The following CTNNA2 variants were observed in gnomAD, a reference collection of about 807,000 sequenced individuals.
The protein encoded by CTNNA2 is catenin alpha-2.
A neutral mutation model predicts 101.0 loss-of-function variants in CTNNA2; 42 were observed. The observed-to-expected ratio is 0.42, with a 90% CI of 0.32 to 0.54. The LOEUF is 0.54. Ranked by LOEUF, CTNNA2 falls within the 20% of genes least tolerant of loss-of-function variation. CTNNA2 has a pLI of 0.14. For missense variants in CTNNA2, 871 were observed against 1,223.1 expected (o/e 0.71, Z 4.29); for synonymous variants, 450 against 456.4 (o/e 0.99, Z 0.18).
At chr2:79,406,331 A>G (rs1678341413) in intron 4 of CTNNA2, among the ~76,000 whole-genome samples, 1 of 89,184 alleles carries the variant, frequency 1.1e-5, no homozygotes, top group Admixed American at 1.0e-4. Context: ...GGATACATGT[A>G]GGAGGACCAC....
At chr2:79,743,637 G>A (rs375684918) in intron 2 of CTNNA2, among the ~76,000 whole-genome samples, 2 of 151,468 alleles carry the variant, frequency 1.3e-5, no homozygotes, top group African/African-American at 2.4e-5. Context: ...GAGTTCAAGC[G>A]ATTCTCCTGC....
At chr2:79,665,349 A>G (rs1682340652) in intron 2 of CTNNA2, among the ~76,000 whole-genome samples, 2 of 152,156 alleles carry the variant, frequency 1.3e-5, no homozygotes. Context: ...ATGTATGTGC[A>G]TGTTTTAGTA....
chr2:79,454,765 A>G (rs996673378), intron 4 of CTNNA2, among the ~76,000 whole-genome samples: 1 of 152,224 alleles, frequency 6.6e-6, no homozygotes, highest in Non-Finnish European at 1.5e-5. Context: ...TTGCCATTTT[A>G]TTAAATAAGT....
chr2:80,562,631 C>T (rs1032892865), intron 12 of CTNNA2, among the ~76,000 whole-genome samples: 6 of 152,034 alleles, frequency 3.9e-5, no homozygotes, highest in South Asian at 2.1e-4. Context: ...AATATAAAAA[C>T]GTATGCACAA....
chr2:80,223,470 C>T (rs1318031757), intron 7 of CTNNA2, among the ~76,000 whole-genome samples: 2 of 152,148 alleles, frequency 1.3e-5, no homozygotes, highest in Non-Finnish European at 2.9e-5. Flanking sequence ...GATGGGTTTT[C>T]TCCATGTTGG....
At chr2:79,524,752 C>G (rs904792602) in intron 1 of CTNNA2, 1 of 151,888 alleles carries the variant, frequency 6.6e-6, no homozygotes, top group Non-Finnish European at 1.5e-5. Context: ...TTCTCAATAT[C>G]TGTCTTTTCC....
At chr2:80,403,114 A>T (rs1678720456) in intron 8 of CTNNA2, among the ~76,000 whole-genome samples, 1 of 152,224 alleles carries the variant, frequency 6.6e-6, no homozygotes, top group Admixed American at 6.5e-5. Flanking sequence ...TAAAGATAGG[A>T]TCATCATAAA....
intron 7 of CTNNA2, chr2:80,162,514 C>T (rs1704388974): frequency 6.2e-7 from 1 of 1,601,930 alleles, no homozygotes; most frequent in Non-Finnish European, 8.6e-7. Flanking sequence ...AGTCATGGCT[C>T]CAGCCATCAT....
chr2:80,554,235 CTCTT>C lies in CTNNA2; in HGVS notation c.1541-1448_1541-1445del, dbSNP rs368572940. ...TGGAGACTAGGATTTGCTGGATACTCTCTTTCTTTCTTTAGGAAATTTAAAATCA... is the reference window on the plus strand; with the variant it reads ...TGGAGACTAGGATTTGCTGGATACTCTCTTTCTTTAGGAAATTTAAAATCA... On this transcript the variant is annotated intron_variant, in intron 11 of 18. Coordinates refer to ENST00000402739, the MANE Select transcript of CTNNA2 (RefSeq NM_001282597.3). 1.6e-3 allele frequency among the ~76,000 whole-genome samples: 247 copies of C among 152,164 alleles called. 1 individual carries two copies. Among genetic ancestry groups the C allele is most frequent in the African/African-American group, 4.6e-3 (190 of 41,522 alleles).
Position 79,204,763 on chromosome 2 carries a change from G to C in CTNNA2, c.-406+6687G>C, listed in dbSNP as rs184788025. ...TATCCTACTTCCAAGATGGTGCCTT[G>C]ATTGTTGCATCCTCCAGAGAAAAGA... On this transcript the variant is annotated intron_variant, in intron 2 of 21. Transcript: ENST00000466387. 2.2e-3 allele frequency among the ~76,000 whole-genome samples: 328 copies of C among 152,312 alleles called. 2 individuals are homozygous for C. The highest frequency in any genetic ancestry group is 3.7e-3 in the Non-Finnish European group (252 of 68,016).
intron 2 of CTNNA2, among the ~76,000 whole-genome samples, chr2:79,706,445 G>A (rs1020602208): frequency 1.3e-5 from 2 of 151,830 alleles, no homozygotes; most frequent in Non-Finnish European, 2.9e-5. Context: ...GTAAATGTGG[G>A]TTTGGGGGAA....
chr2:79,920,045 C>T (rs7575675), intron 7 of CTNNA2, among the ~76,000 whole-genome samples: 23,464 of 151,818 alleles, frequency 0.15, 2,484 homozygotes, highest in East Asian at 0.41. Flanking sequence ...GGTGAAACCC[C>T]GTCTCTACAA....
chr2:80,079,867 TAA>T (rs1225778887), intron 7 of CTNNA2, among the ~76,000 whole-genome samples: 2 of 140,728 alleles, frequency 1.4e-5, no homozygotes, highest in African/African-American at 5.3e-5. Context: ...TAAAATAAAA[TAA>T]AATAAAATAA....
chr2:79,473,321 A>C (rs1671019687), intron 4 of CTNNA2, among the ~76,000 whole-genome samples: 1 of 152,128 alleles, frequency 6.6e-6, no homozygotes, highest in Non-Finnish European at 1.5e-5. Context: ...TAATTTTGAA[A>C]AATTAAAAAA....
intron 2 of CTNNA2, among the ~76,000 whole-genome samples, chr2:79,303,062 A>T (rs962913318): frequency 2.0e-5 from 3 of 152,160 alleles, no homozygotes; most frequent in Non-Finnish European, 4.4e-5. Flanking sequence ...TGCTATGCTG[A>T]TTTTTGACTG....
At chr2:80,528,641 C>A (rs1217605173) in intron 9 of CTNNA2, among the ~76,000 whole-genome samples, 1 of 152,048 alleles carries the variant, frequency 6.6e-6, no homozygotes, top group East Asian at 1.9e-4. Context: ...TCATGAATCT[C>A]ATGGGTTCTA....
rs1573139474 is a variant in CTNNA2, at chr2:79,383,522, A to C, written c.-135+9509A>C. Among the ~76,000 whole-genome samples, 4 of 152,188 alleles carry C rather than the reference A, an allele frequency of 2.6e-5. No homozygotes were observed. The East Asian group carries it at 7.7e-4, about 29-fold the overall frequency. On this transcript the variant is annotated intron_variant, in intron 4 of 21. Coordinates refer to the CTNNA2 transcript ENST00000466387. Reference sequence around the variant, plus strand: ...GGCTTTGGTGGAAGAGAGCTAAGGCAGTAAGAAGCTGTTTAAGGAAGTATA... The same window carrying C: ...GGCTTTGGTGGAAGAGAGCTAAGGCCGTAAGAAGCTGTTTAAGGAAGTATA...
In CTNNA2 at chr2:79,923,032, C is replaced by T. The variant is rs1039425663; in HGVS notation, c.1056+13235C>T. 5.3e-5 allele frequency among the ~76,000 whole-genome samples: 8 copies of T among 152,116 alleles called. No individual in the cohort carries two copies. The South Asian group carries it at 1.0e-3, about 20-fold the overall frequency. On this transcript the variant is annotated intron_variant, in intron 7 of 18. Coordinates refer to ENST00000402739, the MANE Select transcript of CTNNA2 (RefSeq NM_001282597.3). ...GGTAGACTCTGGACAAATATCCAAT[C>T]TGTAGGTATCTACAGATCCTAGCAG... is the stretch of plus-strand genomic sequence containing the variant.
chr2:80,188,116 C>T (rs1286321520), intron 7 of CTNNA2, among the ~76,000 whole-genome samples: 1 of 152,096 alleles, frequency 6.6e-6, no homozygotes, highest in Non-Finnish European at 1.5e-5. Context: ...ACAATATTTT[C>T]GAATTTCATC....
Sources: allele counts gnomAD v4.1 joint callset (sites outside exome capture counted in the v4.1 genomes callset), GRCh38; gene constraint gnomAD v4.1.1; transcripts MANE v1.5; gene names NCBI Gene and HGNC (gene_info 2026-07-23, HGNC 2026-07-21).